IRX6: variants seen among roughly 807,000 people sequenced by gnomAD.
The protein encoded by IRX6 is iroquois homeobox 6.
IRX6 carries 46 observed loss-of-function variants against 47.7 expected under a neutral mutation model. The observed-to-expected ratio is 0.96, with a 90% CI of 0.76 to 1.23. The LOEUF (loss-of-function observed/expected upper bound fraction) is 1.23. Ranked by LOEUF, IRX6 falls within the 50% of genes most tolerant of loss-of-function variation. The pLI, the probability that IRX6 is intolerant of heterozygous loss-of-function variation, is 0.00. For synonymous variants in IRX6, 265 were observed against 246.2 expected (o/e 1.08, Z -0.72); for missense variants, 722 against 588.0 (o/e 1.23, Z -2.36).
chr16:55,329,929 T>G (rs1334854153), intron 5 of IRX6, among the ~76,000 whole-genome samples: 4 of 152,162 alleles, frequency 2.6e-5, no homozygotes, highest in Non-Finnish European at 5.9e-5. Flanking sequence ...TACCCAGGGC[T>G]CATCCCCAGG....
At chr16:55,328,480 G>T (rs199754270) in intron 4 of IRX6, among the ~76,000 whole-genome samples, 1 of 152,180 alleles carries the variant, frequency 6.6e-6, no homozygotes, top group African/African-American at 2.4e-5. Context: ...GGAGGAGTCC[G>T]CTAAAGGGTG....
At position 55,330,289 on chromosome 16, in the gene IRX6, C is replaced by T. The variant is rs1226598794; in HGVS notation, c.1334-9C>T. The stretch of plus-strand genomic sequence containing the variant: ...GCCTTTGGGTTTTAATCAACCTTTC[C>T]TCTCTCAGCAGGTTAGCGCAATGGC... On this transcript the variant is annotated splice_polypyrimidine_tract_variant and intron_variant, in intron 5 of 5. Transcript: ENST00000290552. 1.9e-6 allele frequency: 3 copies of T among 1,613,566 alleles called. No homozygotes were observed. Among genetic ancestry groups the T allele is most frequent in the Admixed American group, 3.3e-5 (2 of 60,008 alleles).
rs1318984315 is a variant in IRX6 at position 55,328,857 on chromosome 16, T to C, written c.879T>C (p.Pro293=). The C allele has an allele frequency of 1.9e-6, 3 of 1,612,808 alleles. No individual in the cohort carries two copies. The highest frequency in any genetic ancestry group is 1.6e-4 in the Middle Eastern group (1 of 6,082). The stretch of plus-strand genomic sequence containing the variant: ...TCCGAAAGGGCGCGCAGTCACTGCC[T>C]GGGCCGTGCGCTGCAGCTCGAGAGG... ...TEFRKGAQSL[P]GPCAAAREGR... The change falls in exon 5 of 6, where the codon CCT becomes CCC. Residue 293 remains proline, a synonymous_variant. Coordinates refer to ENST00000290552, the MANE Select transcript of IRX6 (RefSeq NM_024335.3).
At position 55,327,471 on chromosome 16, in the gene IRX6, T is replaced by C. The variant is rs1960552423; in HGVS notation, c.413+66T>C. ...TTCCTCCCCCACTGCCAAGGTAGGG[T>C]GGATGGCGGCAGGGGAGAGGGAGGG... is the stretch of plus-strand genomic sequence containing the variant. On this transcript the variant is annotated intron_variant, in intron 3 of 5. Coordinates refer to ENST00000290552, the MANE Select transcript of IRX6 (RefSeq NM_024335.3). 1.9e-6 allele frequency: 3 copies of C among 1,568,068 alleles called. No individual in the cohort carries two copies. The Admixed American group carries it at 5.1e-5, about 26-fold the overall frequency.
At position 55,326,452 on chromosome 16, in the gene IRX6, T is replaced by A; in HGVS notation, c.162T>A (p.Ser54Arg). 1 of 1,613,790 alleles carries A rather than the reference T, an allele frequency of 6.2e-7. No individual in the cohort carries two copies. The highest frequency in any genetic ancestry group is 8.5e-7 in the Non-Finnish European group (1 of 1,180,004). ...APALCCAPYD[S>R]RLLGSARPEL... ...CTCTCTGCTGCGCACCCTACGATAGTCGACTGCTGGGCAGTGCGCGACCGG... is the reference window on the plus strand; with the variant it reads ...CTCTCTGCTGCGCACCCTACGATAGACGACTGCTGGGCAGTGCGCGACCGG... The change falls in exon 2 of 6, where the codon AGT becomes AGA. Residue 54 changes from serine (S) to arginine (R), a missense_variant. By Grantham distance (110) the Ser-to-Arg change is moderately radical. Coordinates refer to ENST00000290552, the MANE Select transcript of IRX6 (RefSeq NM_024335.3).
chr16:55,326,831 G>A, intron 2 of IRX6: 1 of 475,790 alleles, frequency 2.1e-6, no homozygotes, highest in Non-Finnish European at 3.6e-6. Flanking sequence ...TAAGAATGAG[G>A]AAATAGAGGT....
chr16:55,328,871 C>A lies in IRX6; in HGVS notation c.893C>A (p.Ala298Glu). Residue 298 changes from alanine to glutamate, a missense_variant, in exon 5 of 6, where the codon GCA (alanine) becomes GAA (glutamate). Transcript: ENST00000290552. ...CAGTCACTGCCTGGGCCGTGCGCTG[C>A]AGCTCGAGAGGGCCGATTGGAGCGC... ...GAQSLPGPCA[A>E]AREGRLERRE... is the part of the protein sequence containing the mutation. The A allele has an allele frequency of 6.2e-7, 1 of 1,612,982 alleles. No individual in the cohort carries two copies. The highest frequency in any genetic ancestry group is 2.2e-5 in the East Asian group (1 of 44,856).
intron 2 of IRX6, chr16:55,326,971 G>T (rs1355572582): frequency 6.4e-6 from 1 of 156,070 alleles, no homozygotes; most frequent in Non-Finnish European, 1.2e-5. Context: ...GGGGGTGGGG[G>T]GCAGTAAGGG....
rs745561537 is a variant in IRX6 at position 55,326,443 on chromosome 16, C to T, written c.153C>T (p.Pro51=). 88 of 1,613,796 alleles carry T rather than the reference C, an allele frequency of 5.5e-5. No homozygotes were observed. The highest frequency in any genetic ancestry group is 7.0e-5 in the Non-Finnish European group (83 of 1,180,014). ...STPAPALCCA[P]YDSRLLGSAR... The stretch of plus-strand genomic sequence containing the variant: ...CAGCGCCCGCTCTCTGCTGCGCACC[C>T]TACGATAGTCGACTGCTGGGCAGTG... The change falls in exon 2 of 6, where the codon CCC becomes CCT. Residue 51 remains proline, a synonymous_variant. Transcript: ENST00000290552.
In IRX6 at chr16:55,327,683, A is replaced by T; in HGVS notation, c.511A>T (p.Asn171Tyr). The T allele has an allele frequency of 1.2e-6, 2 of 1,612,350 alleles. No individual in the cohort carries two copies. The highest frequency in any genetic ancestry group is 1.7e-5 in the Admixed American group (1 of 60,010). Reference protein sequence around the residue: ...LKAWLNEHRKNPYPTKGEKIM... With the variant: ...LKAWLNEHRKYPYPTKGEKIM... ...GGCCTGGCTCAACGAGCACCGCAAA[A>T]ACCCCTACCCCACTAAGGGTGAGAA... Residue 171 changes from asparagine to tyrosine, a missense_variant, in exon 4 of 6, where the codon AAC becomes TAC. Coordinates refer to ENST00000290552, the MANE Select transcript of IRX6 (RefSeq NM_024335.3).
At chr16:55,325,513 AGGAAGGAAGGAAGGAAGG>A (rs1314628020) in intron 1 of IRX6, among the ~76,000 whole-genome samples, 5 of 25,974 alleles carry the variant, frequency 1.9e-4, no homozygotes, top group South Asian at 2.4e-3. Flanking sequence ...GAAGGAAGGA[AGGAAGGAAGGAAGGAAGG>A]AGAGAGAGAG....
In IRX6 at chr16:55,328,811, C is replaced by G. The variant is rs199881863; in HGVS notation, c.833C>G (p.Ala278Gly). The G allele has an allele frequency of 7.4e-5, 120 of 1,613,202 alleles. No homozygotes were observed. In the East Asian group the frequency reaches 2.6e-3, roughly 35 times the overall value. Residue 278 changes from alanine to glycine, a missense_variant, in exon 5 of 6, where the codon GCT (alanine) becomes GGT (glycine). Coordinates refer to ENST00000290552, the MANE Select transcript of IRX6 (RefSeq NM_024335.3). ...GAAGACGAGGAGGTAGTGGCCACAGCTGGGGACAGGCTGACGGAGTTCCGA... is the reference window on the plus strand; with the variant it reads ...GAAGACGAGGAGGTAGTGGCCACAGGTGGGGACAGGCTGACGGAGTTCCGA... ...EAEDEEVVAT[A>G]GDRLTEFRKG...
At chr16:55,326,281 G>A (rs1375246770) in intron 1 of IRX6, 55 bp from the exon 2 acceptor site, 5 of 1,406,932 alleles carry the variant, frequency 3.6e-6, no homozygotes, top group Non-Finnish European at 4.8e-6. Flanking sequence ...GGGAGCGGGG[G>A]CGGGGGTGGG....
intron 1 of IRX6, among the ~76,000 whole-genome samples, chr16:55,325,506 G>A (rs57111028): frequency 0.5 from 10,537 of 21,092 alleles, 3,664 homozygotes; most frequent in East Asian, 0.8. Flanking sequence ...AAGGAAGGAA[G>A]GAAGGAAGGA....
In IRX6 at chr16:55,324,922, C is replaced by A; in HGVS notation, c.-170C>A. On this transcript the variant is annotated 5_prime_UTR_variant, in exon 1 of 6. Coordinates refer to ENST00000290552, the MANE Select transcript of IRX6 (RefSeq NM_024335.3). The surrounding 1 kb of genome is among the most constrained non-coding windows in gnomAD (Gnocchi z 4.4). The stretch of plus-strand genomic sequence containing the variant: ...CCTTCCGGAGCGCAGGGCTCGGCAG[C>A]CGGGCTGCCCTCGGCTCTGCCTCCA... 1.5e-6 allele frequency: 1 copy of A among 660,832 alleles called. No homozygotes were observed. 40.9% of individuals were successfully genotyped at this position (660,832 alleles called of 1,614,324 possible).
chr16:55,328,634 G>T, intron 4 of IRX6, 66 bp from the exon 5 acceptor site: 2 of 1,539,124 alleles, frequency 1.3e-6, no homozygotes, highest in African/African-American at 1.4e-5. Context: ...GCTTCTCGGG[G>T]ATGGACATTC....
Position 55,329,194 on chromosome 16 carries a change from A to T in IRX6, c.1216A>T (p.Ile406Leu). ...RDSACDESSCIPKAFGNPKFA... is the reference protein window; with the variant it reads ...RDSACDESSCLPKAFGNPKFA... ...CTCCGCGTGCGACGAGTCTTCCTGC[A>T]TACCCAAAGCCTTTGGAAACCCCAA... is the stretch of plus-strand genomic sequence containing the variant. The change falls in exon 5 of 6, where the codon ATA (isoleucine) becomes TTA (leucine). Residue 406 changes from isoleucine to leucine, a missense_variant. By Grantham distance (5) the Ile-to-Leu change is conservative. Transcript: ENST00000290552. 1 of 1,614,112 alleles carries T rather than the reference A, an allele frequency of 6.2e-7. No individual in the cohort carries two copies. The highest frequency in any genetic ancestry group is 8.5e-7 in the Non-Finnish European group (1 of 1,180,040).
chr16:55,325,951 G>T, intron 1 of IRX6: 1 of 208,506 alleles, frequency 4.8e-6, no homozygotes, highest in Middle Eastern at 2.0e-3. Flanking sequence ...GGAATGAGAC[G>T]TTAATAATGG....
In IRX6 at chr16:55,329,316, T is replaced by TG; in HGVS notation, c.1333+8dup. 6.3e-7 allele frequency: 1 copy of TG among 1,591,104 alleles called. No homozygotes were observed. The highest frequency in any genetic ancestry group is 2.3e-5 in the East Asian group (1 of 44,364). On this transcript the variant is annotated splice_donor_region_variant and intron_variant, in intron 5 of 5. Transcript: ENST00000290552. ...AGTACCCGTCTGGAGCAGAAGGTAG[T>TG]GGGCCCCCAGCGGCGCTGGGAGTAT...
Sources: gnomAD v4.1 joint callset for allele counts (sites outside exome capture counted in the v4.1 genomes callset) on GRCh38, gnomAD v4.1.1 for gene constraint, Gnocchi (gnomAD v3.1) non-coding constraint, MANE v1.5 for transcripts, NCBI Gene and HGNC (gene_info 2026-07-23, HGNC 2026-07-21) for gene names.